The following SLC30A3 variants were observed in gnomAD, a reference collection of about 807,000 sequenced individuals.
SLC30A3 encodes probable proton-coupled zinc antiporter SLC30A3.
In SLC30A3, 20 loss-of-function variants were observed where a neutral mutation model predicts 35.6. That is an observed-to-expected ratio of 0.56 (90% CI 0.39 to 0.82). The LOEUF (loss-of-function observed/expected upper bound fraction) is 0.82, where lower values mean the gene tolerates loss of function less well. Ranked by LOEUF, SLC30A3 falls within the 40% of genes least tolerant of loss-of-function variation. The pLI is 0.00. For missense variants in SLC30A3, 401 were observed against 530.6 expected (o/e 0.76, Z 2.40); for synonymous variants, 217 against 224.7 (o/e 0.97, Z 0.31).
At chr2:27,275,299 C>T in exon 1 of SLC30A3, 1 of 1,022,218 alleles carries the variant, frequency 9.8e-7, no homozygotes, top group Non-Finnish European at 1.4e-6. Context: ...CAAGGCCTGG[C>T]AGCAACGCTC....
rs1572490545 is a variant in SLC30A3, at chr2:27,269,198, CTT to C, written c.-158-5118_-158-5117del. On this transcript the variant is annotated intron_variant, in intron 1 of 5. Coordinates refer to the SLC30A3 transcript ENST00000424577. ...AGAGTGTGGTTTTTTTTTTCTTTTT[CTT>C]TTTCTTTCTTTTTTTTTTTTTTTGG... is the stretch of plus-strand genomic sequence containing the variant. Among the ~76,000 whole-genome samples the C allele has an allele frequency of 1.0e-4, 14 of 137,196 alleles. No individual in the cohort carries two copies. The East Asian group carries it at 1.5e-3, about 15-fold the overall frequency. The allele number at this position is 137,196 out of a possible 152,430, so 90.0% of individuals were successfully genotyped here.
chr2:27,265,173 C>T (rs1262210351), upstream of SLC30A3, among the ~76,000 whole-genome samples: 2 of 152,228 alleles, frequency 1.3e-5, no homozygotes, highest in Non-Finnish European at 2.9e-5. The surrounding 1 kb of genome is among the most constrained non-coding windows in gnomAD (Gnocchi z 5.9). Flanking sequence ...GGGCAGCCCG[C>T]GCGGCCAGCA....
chr2:27,257,211 C>A lies in SLC30A3; in HGVS notation c.720G>T (p.Leu240=). The A allele has an allele frequency of 6.2e-7, 1 of 1,614,098 alleles. No homozygotes were observed. The highest frequency in any genetic ancestry group is 1.1e-5 in the South Asian group (1 of 91,084). ...TSVRAAFVHV[L]GDLLQSFGVL... is the part of the protein sequence containing the mutation. ...CCCCAAAGCTCTGCAGGAGGTCCCC[C>A]AGCACGTGCACAAATGCCGCCCGGA... is the stretch of plus-strand genomic sequence containing the variant. Residue 240 remains leucine (L), a synonymous_variant, in exon 5 of 8, where the codon CTG becomes CTT. Coordinates refer to ENST00000233535, the MANE Select transcript of SLC30A3 (RefSeq NM_003459.5). The surrounding 1 kb of genome is among the most constrained non-coding windows in gnomAD (Gnocchi z 4.7).
intron 7 of SLC30A3, chr2:27,256,165 C>T: frequency 1.7e-6 from 1 of 587,526 alleles, no homozygotes. Flanking sequence ...GAAACTGCCC[C>T]CAGAACACTG....
chr2:27,269,136 A>C (rs930203254), intron 1 of SLC30A3, among the ~76,000 whole-genome samples: 1 of 152,172 alleles, frequency 6.6e-6, no homozygotes, highest in African/African-American at 2.4e-5. Context: ...AACAAACAAA[A>C]AAAATAGTCT....
Position 27,258,836 on chromosome 2 carries a change from A to T in SLC30A3, c.194T>A (p.Leu65His). 1 of 1,614,198 alleles carries T rather than the reference A, an allele frequency of 6.2e-7. No individual in the cohort carries two copies. The highest frequency in any genetic ancestry group is 8.5e-7 in the Non-Finnish European group (1 of 1,180,012). Residue 65 changes from leucine to histidine, a missense_variant, in exon 2 of 8, where the codon CTT (leucine) becomes CAT (histidine). Leu to His is a moderately conservative substitution (Grantham distance 99). Transcript: ENST00000233535. The surrounding 1 kb of genome is among the most constrained non-coding windows in gnomAD (Gnocchi z 4.0). ...CCGTGCATGCAGCCTCTCAGGGGTA[A>T]GGCCCGGCGGCGGAAGGGGGTCCCT... ...CHRDPLPPPG[L>H]TPERLHARRQ...
chr2:27,263,936 C>T, upstream of SLC30A3: 1 of 757,194 alleles, frequency 1.3e-6, no homozygotes, highest in Admixed American at 2.3e-5. Context: ...TCCACACCTG[C>T]AGCGCCCTCC....
chr2:27,255,224 C>T lies in SLC30A3; in HGVS notation c.*88G>A, dbSNP rs771544780. 2.3e-5 allele frequency: 37 copies of T among 1,606,590 alleles called. No individual in the cohort carries two copies. Among genetic ancestry groups the T allele is most frequent in the African/African-American group, 1.3e-4 (10 of 74,994 alleles). On this transcript the variant is annotated 3_prime_UTR_variant, in exon 8 of 8. Coordinates refer to ENST00000233535, the MANE Select transcript of SLC30A3 (RefSeq NM_003459.5). The surrounding 1 kb of genome is among the most constrained non-coding windows in gnomAD (Gnocchi z 5.2). ...GAGAGGAAGGGGTATGGACCTGGCT[C>T]GGTCCCGTCTCTGTGATCAGGGCAG...
At position 27,258,491 on chromosome 2, in the gene SLC30A3, CT is replaced by C; in HGVS notation, c.278-185del. On this transcript the variant is annotated intron_variant, in intron 2 of 7. Transcript: ENST00000233535. This position sits in a 1 kb window ranked among gnomAD's most constrained non-coding sequence, Gnocchi z 4.0. ...TTTTCATTCATCTGTATTTTATTTT[CT>C]ACAATGATTTATTTTAATAACAAGA... The C allele has an allele frequency of 1.5e-6, 1 of 672,122 alleles. No individual in the cohort carries two copies. Among genetic ancestry groups the C allele is most frequent in the Non-Finnish European group, 2.4e-6 (1 of 415,240 alleles). The allele number at this position is 672,122 out of a possible 1,614,324, so 41.6% of individuals were successfully genotyped here. A position where few individuals can be genotyped will look rare whatever the true frequency, so the allele number is the denominator to read the frequency against.
chr2:27,262,938 C>A lies in SLC30A3; in HGVS notation c.-32G>T. On this transcript the variant is annotated 5_prime_UTR_variant, in exon 1 of 8. Coordinates refer to ENST00000233535, the MANE Select transcript of SLC30A3 (RefSeq NM_003459.5). This position sits in a 1 kb window ranked among gnomAD's most constrained non-coding sequence, Gnocchi z 7.5. ...GGTGCCCCGACCGTCTAGGCCCCAC[C>A]GAGGAAGAGAGAGGCCGGGCCGGCC... 1 of 1,515,094 alleles carries A rather than the reference C, an allele frequency of 6.6e-7. No homozygotes were observed. Among genetic ancestry groups the A allele is most frequent in the Non-Finnish European group, 8.8e-7 (1 of 1,142,184 alleles). The allele number at this position is 1,515,094 out of a possible 1,614,324, so 93.9% of individuals were successfully genotyped here. A position where few individuals can be genotyped will look rare whatever the true frequency, so the allele number is the denominator to read the frequency against.
At position 27,262,762 on chromosome 2, in the gene SLC30A3, G is replaced by T; in HGVS notation, c.95+50C>A. 6.9e-7 allele frequency: 1 copy of T among 1,458,264 alleles called. No homozygotes were observed. Among genetic ancestry groups the T allele is most frequent in the Non-Finnish European group, 9.0e-7 (1 of 1,106,466 alleles). 90.3% of individuals were successfully genotyped at this position (1,458,264 alleles called of 1,614,324 possible). A position where few individuals can be genotyped will look rare whatever the true frequency, so the allele number is the denominator to read the frequency against. Reference sequence around the variant, plus strand: ...GAGAGAGACAACGAAATGGACGGAGGGTAGTAGGGTGGCGCCCCCGGGCCG... The same window carrying T: ...GAGAGAGACAACGAAATGGACGGAGTGTAGTAGGGTGGCGCCCCCGGGCCG... On this transcript the variant is annotated intron_variant, in intron 1 of 7. Transcript: ENST00000233535. This position sits in a 1 kb window ranked among gnomAD's most constrained non-coding sequence, Gnocchi z 7.5.
rs923476258 is a variant in SLC30A3 at position 27,257,783 on chromosome 2, C to T, written c.578+122G>A. ...CTTCTCAGGCACACGCAGGGCAGCCCATGGAGAGCTGTGTGTGCGTGTCTG... is the reference window on the plus strand; with the variant it reads ...CTTCTCAGGCACACGCAGGGCAGCCTATGGAGAGCTGTGTGTGCGTGTCTG... On this transcript the variant is annotated intron_variant, in intron 4 of 7. Transcript: ENST00000233535. The surrounding 1 kb of genome is among the most constrained non-coding windows in gnomAD (Gnocchi z 4.7). The T allele has an allele frequency of 3.8e-5, 38 of 987,366 alleles. No individual in the cohort carries two copies. The highest frequency in any genetic ancestry group is 5.2e-5 in the Non-Finnish European group (34 of 659,614). 61.2% of individuals were successfully genotyped at this position (987,366 alleles called of 1,614,324 possible).
rs1385842158 is a variant in SLC30A3, at chr2:27,271,839, A to C, written c.-159+3338T>G. Among the ~76,000 whole-genome samples, 1 of 152,260 alleles carries C rather than the reference A, an allele frequency of 6.6e-6. No individual in the cohort carries two copies. Among genetic ancestry groups the C allele is most frequent in the Admixed American group, 6.5e-5 (1 of 15,286 alleles). ...ATTCTATTCAGAGCAGAGCCTCGCA[A>C]GACTTACAGATAACGGCTATTTCAA... On this transcript the variant is annotated intron_variant, in intron 1 of 5. Transcript: ENST00000424577. This position sits in a 1 kb window ranked among gnomAD's most constrained non-coding sequence, Gnocchi z 4.3.
Position 27,257,746 on chromosome 2 carries a change from C to G in SLC30A3, c.578+159G>C. On this transcript the variant is annotated intron_variant, in intron 4 of 7. Transcript: ENST00000233535. This position sits in a 1 kb window ranked among gnomAD's most constrained non-coding sequence, Gnocchi z 4.7. ...GATCTGCTGACTGAATTTTAGGTCTCTATCCCAGACCCTTCTCAGGCACAC... is the reference window on the plus strand; with the variant it reads ...GATCTGCTGACTGAATTTTAGGTCTGTATCCCAGACCCTTCTCAGGCACAC... 1 of 735,102 alleles carries G rather than the reference C, an allele frequency of 1.4e-6. No individual in the cohort carries two copies. The allele number at this position is 735,102 out of a possible 1,614,324, so 45.5% of individuals were successfully genotyped here.
chr2:27,262,735 C>G lies in SLC30A3; in HGVS notation c.95+77G>C. ...GCTGGGGCGGCCGCCGGGGCCCGCGCCGAGAGAGACAACGAAATGGACGGA... is the reference window on the plus strand; with the variant it reads ...GCTGGGGCGGCCGCCGGGGCCCGCGGCGAGAGAGACAACGAAATGGACGGA... On this transcript the variant is annotated intron_variant, in intron 1 of 7. Transcript: ENST00000233535. The surrounding 1 kb of genome is among the most constrained non-coding windows in gnomAD (Gnocchi z 7.5). 7.3e-7 allele frequency: 1 copy of G among 1,372,152 alleles called. No homozygotes were observed. Among genetic ancestry groups the G allele is most frequent in the East Asian group, 3.1e-5 (1 of 32,696 alleles). The allele number at this position is 1,372,152 out of a possible 1,614,324, so 85.0% of individuals were successfully genotyped here.
Position 27,262,908 on chromosome 2 carries a change from T to C in SLC30A3, c.-2A>G, listed in dbSNP as rs1361917006. The C allele has an allele frequency of 1.3e-6, 2 of 1,555,934 alleles. No homozygotes were observed. The highest frequency in any genetic ancestry group is 5.1e-5 in the East Asian group (2 of 38,842). ...CCCAGCGGCTGGAGAGGGCTCCATG[T>C]TCCCGGTGCCCCGACCGTCTAGGCC... is the stretch of plus-strand genomic sequence containing the variant. On this transcript the variant is annotated 5_prime_UTR_variant, in exon 1 of 8. Coordinates refer to ENST00000233535, the MANE Select transcript of SLC30A3 (RefSeq NM_003459.5). The surrounding 1 kb of genome is among the most constrained non-coding windows in gnomAD (Gnocchi z 7.5).
At position 27,257,927 on chromosome 2, in the gene SLC30A3, T is replaced by TGCTGTTGTCAGCA; in HGVS notation, c.555_556insTGCTGACAACAGC (p.Ile186CysfsTer2). ...TACAACAGGTTGGCACAGACTGCGA[T>TGCTGTTGTCAGCA]GCTGGCGGTCAGCAGCATGGCACCC... On this transcript the variant is annotated stop_gained and frameshift_variant, in exon 4 of 8. Transcript: ENST00000233535. LOFTEE classifies it high-confidence loss of function. The surrounding 1 kb of genome is among the most constrained non-coding windows in gnomAD (Gnocchi z 4.7). The TGCTGTTGTCAGCA allele has an allele frequency of 6.2e-7, 1 of 1,614,138 alleles. No individual in the cohort carries two copies. Among genetic ancestry groups the TGCTGTTGTCAGCA allele is most frequent in the Non-Finnish European group, 8.5e-7 (1 of 1,180,010 alleles).
chr2:27,265,778 C>A (rs1264076621), upstream of SLC30A3, among the ~76,000 whole-genome samples: 1 of 152,096 alleles, frequency 6.6e-6, no homozygotes, highest in Non-Finnish European at 1.5e-5. The surrounding 1 kb of genome is among the most constrained non-coding windows in gnomAD (Gnocchi z 5.9). Flanking sequence ...TGTCTCCCTG[C>A]TACAGGGCAA....
Position 27,258,704 on chromosome 2 carries a change from T to C in SLC30A3, c.277+49A>G. ...CCTGGGACTCTGGGTGGAGAGTGGC[T>C]TGGGCAGGTATTTGGAGAATGGGGT... On this transcript the variant is annotated intron_variant, in intron 2 of 7. Transcript: ENST00000233535. This position sits in a 1 kb window ranked among gnomAD's most constrained non-coding sequence, Gnocchi z 4.0. 1 of 1,593,764 alleles carries C rather than the reference T, an allele frequency of 6.3e-7. No individual in the cohort carries two copies. The highest frequency in any genetic ancestry group is 8.6e-7 in the Non-Finnish European group (1 of 1,162,750).
Sources: gnomAD v4.1 joint callset for allele counts (sites outside exome capture counted in the v4.1 genomes callset) on GRCh38, gnomAD v4.1.1 for gene constraint, Gnocchi (gnomAD v3.1) non-coding constraint, MANE v1.5 for transcripts, NCBI Gene and HGNC (gene_info 2026-07-23, HGNC 2026-07-21) for gene names.